The following DNAH7 variants were observed in gnomAD, a reference collection of about 807,000 sequenced individuals.
DNAH7 encodes axonemal beta dynein heavy chain 7.
In DNAH7, 397 loss-of-function variants were observed where a neutral mutation model predicts 444.6. That is an observed-to-expected ratio of 0.89 (90% confidence interval 0.82 to 0.97). The LOEUF (loss-of-function observed/expected upper bound fraction) is 0.97, where lower values mean the gene tolerates loss of function less well. DNAH7 is among the 50% of genes least tolerant of loss of function. DNAH7 has a pLI of 0.00. For synonymous variants in DNAH7, 1,636 were observed against 1,624.4 expected, an observed-to-expected ratio of 1.01 and a Z score of -0.17; for missense variants, 4,902 against 4,800.8, an observed-to-expected ratio of 1.02 and a Z score of -0.62.
intron 33 of DNAH7, 21 bp downstream of exon 33, chr2:195,888,237 T>G (rs754585779): frequency 6.3e-7 from 1 of 1,576,742 alleles, no homozygotes; most frequent in South Asian, 1.2e-5. Context: ...TTTTTAATCT[T>G]AAAATTCTCA....
chr2:195,785,696 T>C (rs1013232655), intron 58 of DNAH7, among the ~76,000 whole-genome samples: 2 of 152,056 alleles, frequency 1.3e-5, no homozygotes, highest in Non-Finnish European at 2.9e-5. Context: ...TCTTCAGCCT[T>C]CTAATTCATT....
chr2:195,839,040 C>A (rs1698535161), intron 47 of DNAH7, among the ~76,000 whole-genome samples: 1 of 151,778 alleles, frequency 6.6e-6, no homozygotes, highest in Non-Finnish European at 1.5e-5. Context: ...AACCAACTTT[C>A]AAAATGCCAT....
intron 19 of DNAH7, among the ~76,000 whole-genome samples, chr2:195,953,626 G>A (rs1346290261): frequency 6.6e-6 from 1 of 152,198 alleles, no homozygotes; most frequent in African/African-American, 2.4e-5. Flanking sequence ...TTTCAGAGAT[G>A]CCCTGCCCAG....
intron 23 of DNAH7, among the ~76,000 whole-genome samples, chr2:195,923,368 T>C (rs1385256974): frequency 6.6e-6 from 1 of 152,198 alleles, no homozygotes; most frequent in Non-Finnish European, 1.5e-5. Context: ...TATATGTTTA[T>C]ATATAACTAT....
In DNAH7 at chr2:195,794,319, A is replaced by G. The variant is rs367971110; in HGVS notation, c.10716+19T>C. 2 of 1,613,556 alleles carry G rather than the reference A, an allele frequency of 1.2e-6. No homozygotes were observed. Among genetic ancestry groups the G allele is most frequent in the Non-Finnish European group, 1.7e-6 (2 of 1,179,638 alleles). ...AGTGCTTTACAGGGCCGAGGTAACA[A>G]GACTTAACCATTACTAACAGGCTTT... On this transcript the variant is annotated intron_variant, in intron 57 of 64. Coordinates refer to ENST00000312428, the MANE Select transcript of DNAH7 (RefSeq NM_018897.3).
intron 59 of DNAH7, 75 bp downstream of exon 59, chr2:195,777,725 C>T: frequency 5.5e-6 from 8 of 1,453,804 alleles, no homozygotes; most frequent in Non-Finnish European, 6.6e-6. Context: ...GCAAAATCAC[C>T]ATTTAAAAAA....
Position 195,748,208 on chromosome 2 carries a change from C to G in DNAH7, c.11764+6129G>C, listed in dbSNP as rs560814397. On this transcript the variant is annotated intron_variant, in intron 63 of 64. Transcript: ENST00000312428. ...CACCAATAACAGACAAACAGAGAGCCAAATCATGAGTGAACTCCCATTCAC... is the reference window on the plus strand; with the variant it reads ...CACCAATAACAGACAAACAGAGAGCGAAATCATGAGTGAACTCCCATTCAC... Among the ~76,000 whole-genome samples, 14 of 152,186 alleles carry G rather than the reference C, an allele frequency of 9.2e-5. No individual in the cohort carries two copies. The South Asian group carries it at 2.7e-3, about 29-fold the overall frequency.
At position 195,894,967 on chromosome 2, in the gene DNAH7, T is replaced by C. The variant is rs1702219372; in HGVS notation, c.4896+9A>G. ...TATAAATAAATTAATGCATTAATAA[T>C]ATACTTGCCTTTTCACATATATCAT... On this transcript the variant is annotated intron_variant, in intron 30 of 64. Coordinates refer to ENST00000312428, the MANE Select transcript of DNAH7 (RefSeq NM_018897.3). 6.3e-7 allele frequency: 1 copy of C among 1,586,762 alleles called. No homozygotes were observed. Among genetic ancestry groups the C allele is most frequent in the Admixed American group, 1.7e-5 (1 of 58,580 alleles).
intron 63 of DNAH7, 123 bp downstream of exon 63, chr2:195,754,214 G>T: frequency 1.9e-6 from 2 of 1,064,696 alleles, no homozygotes; most frequent in Non-Finnish European, 2.6e-6. Context: ...TTTTTTCTCT[G>T]GCATTTAAGG....
chr2:195,738,222 G>T, intron 64 of DNAH7, 95 bp from the exon 65 acceptor site: 2 of 1,113,374 alleles, frequency 1.8e-6, no homozygotes, highest in Non-Finnish European at 2.6e-6. Context: ...GTAAGGTTAT[G>T]CATGCAGATT....
chr2:195,841,145 C>CT (rs1698657841), intron 47 of DNAH7, among the ~76,000 whole-genome samples: 1 of 151,764 alleles, frequency 6.6e-6, no homozygotes, highest in African/African-American at 2.4e-5. Context: ...TCAACAAAGA[C>CT]GTAAAGGCAA....
chr2:195,842,319 T>C (rs1017821346), intron 47 of DNAH7, among the ~76,000 whole-genome samples: 6 of 152,100 alleles, frequency 3.9e-5, no homozygotes, highest in Non-Finnish European at 7.4e-5. Flanking sequence ...CCAAATTTTA[T>C]AGATTCTTCC....
Position 195,884,756 on chromosome 2 carries a change from A to G in DNAH7, c.5592T>C (p.Asp1864=), listed in dbSNP as rs774483043. The stretch of plus-strand genomic sequence containing the variant: ...GAATCTTATTAAATTTCAATCGATC[A>G]TCATCTGTACAAGAAGCACCAACGG... ...IWSVGASCTD[D]DRLKFNKILR... Residue 1864 remains aspartate, a synonymous_variant, in exon 35 of 65, where the codon GAT becomes GAC. Coordinates refer to ENST00000312428, the MANE Select transcript of DNAH7 (RefSeq NM_018897.3). 1.2e-6 allele frequency: 2 copies of G among 1,613,998 alleles called. No individual in the cohort carries two copies. Among genetic ancestry groups the G allele is most frequent in the South Asian group, 2.2e-5 (2 of 91,088 alleles).
At chr2:195,784,204 T>G (rs951839925) in intron 58 of DNAH7, among the ~76,000 whole-genome samples, 1 of 152,228 alleles carries the variant, frequency 6.6e-6, no homozygotes, top group Non-Finnish European at 1.5e-5. Context: ...TACAGTATCA[T>G]ATAGAATATT....
In DNAH7 at chr2:195,888,555, A is replaced by G. The variant is rs573167675; in HGVS notation, c.5230-121T>C. 490 of 1,102,968 alleles carry G rather than the reference A, an allele frequency of 4.4e-4. 8 individuals are homozygous for G. The South Asian group carries it at 7.5e-3, about 17-fold the overall frequency. The allele number at this position is 1,102,968 out of a possible 1,614,324, so 68.3% of individuals were successfully genotyped here. On this transcript the variant is annotated intron_variant, in intron 32 of 64. Coordinates refer to ENST00000312428, the MANE Select transcript of DNAH7 (RefSeq NM_018897.3). The stretch of plus-strand genomic sequence containing the variant: ...TGGGCGGGGGGAAGCTTAATATTAT[A>G]TAATTTCATGATGTCGATTTTTGTG...
intron 5 of DNAH7, among the ~76,000 whole-genome samples, chr2:196,033,079 C>G (rs1246920847): frequency 6.6e-6 from 1 of 152,054 alleles, no homozygotes; most frequent in East Asian, 1.9e-4. Context: ...AATCTCTCAA[C>G]AAATTTGGAA....
At chr2:195,803,446 G>C (rs766402715) in intron 54 of DNAH7, among the ~76,000 whole-genome samples, 2 of 152,212 alleles carry the variant, frequency 1.3e-5, no homozygotes, top group African/African-American at 2.4e-5. Context: ...TCTTAATGTC[G>C]AAGCTGAACA....
intron 10 of DNAH7, among the ~76,000 whole-genome samples, chr2:196,005,463 T>G (rs538563516): frequency 6.6e-6 from 1 of 152,018 alleles, no homozygotes. Flanking sequence ...CATGAACTTA[T>G]AGTTAAACTG....
At chr2:195,802,426 G>T (rs532509932) in intron 54 of DNAH7, among the ~76,000 whole-genome samples, 2 of 152,292 alleles carry the variant, frequency 1.3e-5, no homozygotes, top group African/African-American at 4.8e-5. Flanking sequence ...CTTGAACCCG[G>T]GAGGTGGAGG....
Sources: gnomAD v4.1 joint callset for allele counts (sites outside exome capture counted in the v4.1 genomes callset) on GRCh38, gnomAD v4.1.1 for gene constraint, MANE v1.5 for transcripts, NCBI Gene and HGNC (gene_info 2026-07-23, HGNC 2026-07-21) for gene names.